The following SFMBT2 variants were observed in gnomAD, a reference collection of about 807,000 sequenced individuals.
SFMBT2 encodes the protein Scm like with four mbt domains 2, also known as scm-like with four MBT domains protein 2.
A neutral mutation model predicts 110.1 loss-of-function variants in SFMBT2; 38 were observed. The ratio of observed to expected loss-of-function variants is 0.35; its 90% confidence interval spans 0.27 to 0.45. The LOEUF is 0.45. Among genes scored for constraint, SFMBT2 ranks in the 20% least tolerant of loss-of-function variants. SFMBT2 has a pLI of 1.00. For missense variants in SFMBT2, 1,011 were observed against 1,094.9 expected, an observed-to-expected ratio of 0.92 and a Z score of 1.08; for synonymous variants, 425 against 425.4, an observed-to-expected ratio of 1.00 and a Z score of 0.01.
At chr10:7,196,455 C>T (rs988987169) in intron 15 of SFMBT2, among the ~76,000 whole-genome samples, 3 of 152,204 alleles carry the variant, frequency 2.0e-5, no homozygotes, top group Non-Finnish European at 4.4e-5. Context: ...GATGAAATGT[C>T]ACTTGCCATA....
chr10:7,252,869 C>A (rs144437803), intron 7 of SFMBT2, among the ~76,000 whole-genome samples: 1,839 of 152,250 alleles, frequency 0.012, 14 homozygotes, highest in Non-Finnish European at 0.018. Context: ...GGACCCTAAA[C>A]AGCTTCAGGG....
intron 4 of SFMBT2, chr10:7,329,621 T>C: frequency 1.9e-6 from 1 of 517,846 alleles, no homozygotes; most frequent in African/African-American, 2.1e-5. Flanking sequence ...GAAATCCAGA[T>C]GGAACACAGC....
At chr10:7,346,057 C>T (rs1218919314) in intron 4 of SFMBT2, among the ~76,000 whole-genome samples, 1 of 152,158 alleles carries the variant, frequency 6.6e-6, no homozygotes, top group African/African-American at 2.4e-5. Context: ...CCCTCACCCC[C>T]CCGAAATTCC....
chr10:7,217,134 CAT>C (rs1453348420), intron 11 of SFMBT2, among the ~76,000 whole-genome samples: 2 of 152,184 alleles, frequency 1.3e-5, no homozygotes, highest in Non-Finnish European at 2.9e-5. Context: ...TCATCAACTT[CAT>C]AGAGACGGGA....
intron 4 of SFMBT2, among the ~76,000 whole-genome samples, chr10:7,286,786 C>T (rs528364003): frequency 2.6e-5 from 4 of 152,208 alleles, no homozygotes; most frequent in South Asian, 2.1e-4. Context: ...TCTCAAGGGA[C>T]GACTGCACTG....
intron 6 of SFMBT2, among the ~76,000 whole-genome samples, chr10:7,282,939 G>A (rs949314073): frequency 8.5e-5 from 13 of 152,256 alleles, no homozygotes; most frequent in African/African-American, 2.4e-4. Context: ...CAAGAATCCA[G>A]TATTTCTGTT....
chr10:7,388,365 T>C (rs1364469942), intron 1 of SFMBT2, among the ~76,000 whole-genome samples: 1 of 151,456 alleles, frequency 6.6e-6, no homozygotes. Flanking sequence ...ATGATGATGA[T>C]GATGATTGAG....
chr10:7,230,318 T>C (rs1030104184), intron 9 of SFMBT2, among the ~76,000 whole-genome samples: 3 of 152,184 alleles, frequency 2.0e-5, no homozygotes, highest in African/African-American at 7.2e-5. Flanking sequence ...CAGAGCCGAC[T>C]TTCTTCTGAA....
At chr10:7,385,797 A>C (rs1398170284) in intron 1 of SFMBT2, among the ~76,000 whole-genome samples, 1 of 152,090 alleles carries the variant, frequency 6.6e-6, no homozygotes, top group African/African-American at 2.4e-5. Context: ...CAGGAGATCA[A>C]GACCATCCTG....
chr10:7,375,797 ACAC>A (rs1845188815), intron 2 of SFMBT2, among the ~76,000 whole-genome samples: 4 of 141,736 alleles, frequency 2.8e-5, no homozygotes, highest in South Asian at 2.3e-4. Context: ...ACACACACAC[ACAC>A]AAATCACCTA....
chr10:7,228,730 TCTTTCCTTTCTC>T (rs1840002201), intron 9 of SFMBT2, among the ~76,000 whole-genome samples: 6 of 85,450 alleles, frequency 7.0e-5, no homozygotes, highest in East Asian at 2.8e-4. Context: ...TTTCTTTCTT[TCTTTCCTTTCTC>T]TCTCTCTCTC....
intron 4 of SFMBT2, among the ~76,000 whole-genome samples, chr10:7,346,827 A>T: frequency 6.6e-6 from 1 of 151,496 alleles, no homozygotes; most frequent in East Asian, 1.9e-4. Context: ...AAAAAAAAAA[A>T]AAAAAAAAAT....
At chr10:7,190,375 C>T (rs1461848986) in intron 15 of SFMBT2, among the ~76,000 whole-genome samples, 1 of 152,178 alleles carries the variant, frequency 6.6e-6, no homozygotes, top group Non-Finnish European at 1.5e-5. Context: ...GCTGAGAAAA[C>T]CCCAGAGCTG....
chr10:7,172,856 A>G lies in SFMBT2; in HGVS notation c.1985-195T>C, dbSNP rs1837931745. ...CAGGTCTGGAAGGTGTTCGGGCTGA[A>G]CTTGGCCCGTCCCCAGTGTTGAAGC... On this transcript the variant is annotated intron_variant, in intron 17 of 20. Coordinates refer to ENST00000397167, the MANE Select transcript of SFMBT2 (RefSeq NM_001387889.1). The surrounding 1 kb of genome is among the most constrained non-coding windows in gnomAD (Gnocchi z 4.6). Among the ~76,000 whole-genome samples the G allele has an allele frequency of 6.6e-6, 1 of 152,208 alleles. No individual in the cohort carries two copies. Among genetic ancestry groups the G allele is most frequent in the African/African-American group, 2.4e-5 (1 of 41,440 alleles).
intron 9 of SFMBT2, chr10:7,228,358 T>C (rs904830781): frequency 3.7e-6 from 3 of 806,134 alleles, no homozygotes; most frequent in Non-Finnish European, 4.4e-6. Context: ...CATGAGATTT[T>C]ACTGGGAAAT....
At chr10:7,164,026 T>A in intron 20 of SFMBT2, 116 bp from the exon 21 acceptor site, 2 of 1,421,942 alleles carry the variant, frequency 1.4e-6, no homozygotes, top group Non-Finnish European at 1.8e-6. Flanking sequence ...CTTGTTTCAT[T>A]CAATTCAGGG....
intron 7 of SFMBT2, among the ~76,000 whole-genome samples, chr10:7,254,728 T>C (rs1281010609): frequency 6.6e-6 from 1 of 152,050 alleles, no homozygotes; most frequent in Non-Finnish European, 1.5e-5. Context: ...CTCAGGAGGC[T>C]GAGGCAGAAG....
intron 1 of SFMBT2, among the ~76,000 whole-genome samples, chr10:7,390,817 A>G (rs1845742523): frequency 6.6e-6 from 1 of 152,256 alleles, no homozygotes; most frequent in Admixed American, 6.5e-5. Context: ...ATAGAACTCA[A>G]GGCCTGGTGC....
chr10:7,304,459 G>A (rs895462939), intron 4 of SFMBT2, among the ~76,000 whole-genome samples: 1 of 152,068 alleles, frequency 6.6e-6, no homozygotes, highest in African/African-American at 2.4e-5. Flanking sequence ...GAGTGAAAAT[G>A]GACTAATACA....
Sources: gnomAD v4.1 joint callset for allele counts (sites outside exome capture counted in the v4.1 genomes callset) on GRCh38, gnomAD v4.1.1 for gene constraint, Gnocchi (gnomAD v3.1) non-coding constraint, MANE v1.5 for transcripts, NCBI Gene and HGNC (gene_info 2026-07-23, HGNC 2026-07-21) for gene names.